The following YJU2B variants were observed in gnomAD, a reference collection of about 807,000 sequenced individuals.
YJU2B encodes the protein probable splicing factor YJU2B.
A neutral mutation model predicts 38.0 loss-of-function variants in YJU2B; 18 were observed. That is an observed-to-expected ratio of 0.47 (90% CI 0.33 to 0.70). The LOEUF (loss-of-function observed/expected upper bound fraction) is 0.70. Among genes scored for constraint, YJU2B ranks in the 30% least tolerant of loss-of-function variants. YJU2B has a pLI of 0.02. For missense variants in YJU2B, 538 were observed against 556.3 expected (o/e 0.97, Z 0.33); for synonymous variants, 246 against 225.4 (o/e 1.09, Z -0.82).
chr19:13,740,399 CAG>C (rs891993972), intron 2 of YJU2B, among the ~76,000 whole-genome samples: 28 of 152,030 alleles, frequency 1.8e-4, no homozygotes, highest in African/African-American at 5.3e-4. Context: ...TTTGTAGAGA[CAG>C]GGGTCTCACC....
intron 1 of YJU2B, among the ~76,000 whole-genome samples, chr19:13,749,480 A>G (rs1321430512): frequency 1.3e-5 from 2 of 152,186 alleles, no homozygotes; most frequent in Admixed American, 1.3e-4. Flanking sequence ...CTATGAAAGC[A>G]GAGTTGAGTT....
At chr19:13,741,564 C>T (rs534684632) in intron 2 of YJU2B, among the ~76,000 whole-genome samples, 134 of 131,846 alleles carry the variant, frequency 1.0e-3, no homozygotes, top group African/African-American at 3.9e-3. Context: ...AGGAAGACCT[C>T]GTTTCTACAA....
chr19:13,739,216 G>A lies in YJU2B; in HGVS notation c.-202+6931G>A, dbSNP rs1042537270. On this transcript the variant is annotated intron_variant, in intron 2 of 10. Coordinates refer to the YJU2B transcript ENST00000586600. The stretch of plus-strand genomic sequence containing the variant: ...ACTGAAGTACCATGGTGCGATCACA[G>A]CTCACTGCAGCCTCAAACACCTGGG... Among the ~76,000 whole-genome samples the A allele has an allele frequency of 5.9e-5, 9 of 152,074 alleles. 1 individual carries two copies. Among genetic ancestry groups the A allele is most frequent in the Non-Finnish European group, 1.0e-4 (7 of 68,018 alleles).
chr19:13,756,373 GGTCTTCATTCCATA>G (rs1973669137), intron 4 of YJU2B, 94 bp downstream of exon 4: 1 of 935,896 alleles, frequency 1.1e-6, no homozygotes, highest in Admixed American at 1.8e-5. Context: ...AGTGCTGCAG[GGTCTTCATTCCATA>G]AAGCAGAAAG....
chr19:13,755,201 G>A (rs1004254167), intron 3 of YJU2B, among the ~76,000 whole-genome samples: 3 of 147,568 alleles, frequency 2.0e-5, no homozygotes, highest in African/African-American at 5.0e-5. Context: ...CATGGCTCAC[G>A]CCTCTAATCC....
intron 2 of YJU2B, 114 bp from the exon 3 acceptor site, chr19:13,754,175 A>ATTAGTAATT: frequency 1.3e-6 from 1 of 790,598 alleles, no homozygotes; most frequent in Non-Finnish European, 2.2e-6. Context: ...CCATCTCTAA[A>ATTAGTAATT]AATTAATAGT....
chr19:13,733,307 A>T (rs996835184), intron 2 of YJU2B, among the ~76,000 whole-genome samples: 1 of 152,098 alleles, frequency 6.6e-6, no homozygotes, highest in African/African-American at 2.4e-5. Flanking sequence ...AAACTGAGCT[A>T]TTTTGATTTC....
upstream of YJU2B, among the ~76,000 whole-genome samples, chr19:13,744,445 T>C (rs1973176766): frequency 6.6e-6 from 1 of 152,218 alleles, no homozygotes; most frequent in African/African-American, 2.4e-5. Flanking sequence ...TTAATTTCTA[T>C]AGGGAAACCA....
At chr19:13,754,906 G>A (rs1361391979) in intron 3 of YJU2B, among the ~76,000 whole-genome samples, 8 of 152,130 alleles carry the variant, frequency 5.3e-5, no homozygotes, top group Admixed American at 4.6e-4. Context: ...TCCCCACACA[G>A]TAGGTGCTCA....
intron 2 of YJU2B, among the ~76,000 whole-genome samples, chr19:13,752,987 G>C (rs975809935): frequency 6.6e-6 from 1 of 152,022 alleles, no homozygotes; most frequent in African/African-American, 2.4e-5. Flanking sequence ...TGTGTTCAAC[G>C]GTACTACATG....
At chr19:13,740,399 C>T (rs1053269393) in intron 2 of YJU2B, among the ~76,000 whole-genome samples, 2 of 152,030 alleles carry the variant, frequency 1.3e-5, no homozygotes, top group African/African-American at 4.8e-5. Context: ...TTTGTAGAGA[C>T]AGGGGTCTCA....
chr19:13,741,459 T>C (rs1042062335), intron 2 of YJU2B, among the ~76,000 whole-genome samples: 5 of 151,638 alleles, frequency 3.3e-5, no homozygotes, highest in African/African-American at 1.2e-4. Context: ...GGCCAGAAAT[T>C]TTTTTTTAAG....
At chr19:13,734,448 G>A (rs1308698686) in intron 2 of YJU2B, among the ~76,000 whole-genome samples, 1 of 152,006 alleles carries the variant, frequency 6.6e-6, no homozygotes. Flanking sequence ...ACACCACCAC[G>A]TCTGGCTATT....
chr19:13,735,282 TC>T (rs1406373952), intron 2 of YJU2B, among the ~76,000 whole-genome samples: 1 of 152,174 alleles, frequency 6.6e-6, no homozygotes, highest in Non-Finnish European at 1.5e-5. Flanking sequence ...GCCACCGCAC[TC>T]CAGCCTGGAA....
At chr19:13,745,692 T>TAAG (rs57681294), upstream of YJU2B, among the ~76,000 whole-genome samples, 6 of 93,306 alleles carry the variant, frequency 6.4e-5, no homozygotes, top group Admixed American at 3.4e-4. Flanking sequence ...GATAGATAGA[T>TAAG]ATAGATATAT....
Position 13,762,388 on chromosome 19 carries a change from G to A in YJU2B, c.663G>A (p.Thr221=), listed in dbSNP as rs142875195. ...TGACCATCCCGCTGGTGCCCGAGAC[G>A]GAAGATGACCGCAAGCTGGCGGCTC... The part of the protein sequence containing the change: ...ASLTIPLVPE[T]EDDRKLAALL... The change falls in exon 9 of 10, where the codon ACG becomes ACA. Residue 221 remains threonine, a synonymous_variant. Transcript: ENST00000221554. 2.0e-4 allele frequency: 328 copies of A among 1,613,754 alleles called. 1 individual carries two copies. The highest frequency in any genetic ancestry group is 6.7e-5 in the African/African-American group (5 of 74,894).
chr19:13,753,785 G>A (rs542060920), intron 2 of YJU2B, among the ~76,000 whole-genome samples: 3 of 152,132 alleles, frequency 2.0e-5, no homozygotes, highest in Admixed American at 6.5e-5. Flanking sequence ...GAGGTCTCTC[G>A]AGAACTCATT....
chr19:13,750,076 T>G (rs1973397964), intron 1 of YJU2B, among the ~76,000 whole-genome samples: 1 of 152,186 alleles, frequency 6.6e-6, no homozygotes, highest in African/African-American at 2.4e-5. Context: ...TTTACCCAGT[T>G]GACATTTATC....
intron 1 of YJU2B, among the ~76,000 whole-genome samples, chr19:13,750,986 G>C (rs969864098): frequency 6.6e-6 from 1 of 152,052 alleles, no homozygotes; most frequent in Non-Finnish European, 1.5e-5. Context: ...CAGAGTGAAC[G>C]AGAGATAGAG....
Sources: allele counts gnomAD v4.1 joint callset (sites outside exome capture counted in the v4.1 genomes callset), GRCh38; gene constraint gnomAD v4.1.1; transcripts MANE v1.5; gene names NCBI Gene and HGNC (gene_info 2026-07-23, HGNC 2026-07-21).